Variants in SCN2A observed in about 807,000 individuals in gnomAD.
SCN2A encodes the protein sodium channel protein type 2 subunit alpha.
Under a neutral mutation model 188.7 loss-of-function variants are expected in SCN2A, and 20 were observed. The observed-to-expected ratio is 0.11, with a 90% CI of 0.07 to 0.15. The LOEUF (loss-of-function observed/expected upper bound fraction) is 0.15, where lower values mean the gene tolerates loss of function less well. Ranked by LOEUF, SCN2A falls within the 10% of genes least tolerant of loss-of-function variation. The pLI is 1.00. For synonymous variants in SCN2A, 804 were observed against 833.1 expected (o/e 0.97, Z 0.60); for missense variants, 1,278 against 2,445.0 (o/e 0.52, Z 10.07).
In SCN2A at chr2:165,354,149, C is replaced by A. The variant is rs576865523; in HGVS notation, c.2920-43C>A. 1.9e-6 allele frequency: 3 copies of A among 1,611,508 alleles called. No homozygotes were observed. The African/African-American group carries it at 4.0e-5, about 22-fold the overall frequency. On this transcript the variant is annotated intron_variant, in intron 16 of 26. Coordinates refer to ENST00000375437, the MANE Select transcript of SCN2A (RefSeq NM_001040142.2). ...AACTAATGATGGAAAGCAATTGAAG[C>A]AATAGAATGTTTTGATCACCTGTTT... is the stretch of plus-strand genomic sequence containing the variant.
chr2:165,248,018 C>T (rs1693923408), intron 1 of SCN2A, among the ~76,000 whole-genome samples: 1 of 152,052 alleles, frequency 6.6e-6, no homozygotes, highest in Non-Finnish European at 1.5e-5. Context: ...ACATTCAGTC[C>T]ATGAGAAATT....
chr2:165,244,127 A>G (rs1693741746), intron 1 of SCN2A, among the ~76,000 whole-genome samples: 1 of 152,074 alleles, frequency 6.6e-6, no homozygotes. Flanking sequence ...CTGTAATCCC[A>G]GCTACTCCAG....
chr2:165,379,148 T>A (rs1558878410), intron 23 of SCN2A, among the ~76,000 whole-genome samples: 1 of 151,822 alleles, frequency 6.6e-6, no homozygotes, highest in Non-Finnish European at 1.5e-5. Flanking sequence ...GGATAATCTA[T>A]GTACAAAAAT....
intron 3 of SCN2A, among the ~76,000 whole-genome samples, chr2:165,302,819 G>C (rs927207872): frequency 1.3e-5 from 2 of 152,014 alleles, no homozygotes; most frequent in African/African-American, 4.8e-5. Flanking sequence ...TCCATGTCAA[G>C]GGCTACTTAA....
chr2:165,303,270 G>GATTTTTTTT (rs1464026134), intron 3 of SCN2A, among the ~76,000 whole-genome samples: 1 of 91,330 alleles, frequency 1.1e-5, no homozygotes, highest in Non-Finnish European at 2.1e-5. Flanking sequence ...TGTTATTTGA[G>GATTTTTTTT]TTTTTTTTTT....
At chr2:165,271,520 A>G (rs1211911508) in intron 1 of SCN2A, 1 of 152,144 alleles carries the variant, frequency 6.6e-6, no homozygotes, top group African/African-American at 2.4e-5. Context: ...TAGACTATGG[A>G]AAATAGGAAG....
At chr2:165,362,888 G>T (rs557775671) in intron 17 of SCN2A, among the ~76,000 whole-genome samples, 1 of 152,210 alleles carries the variant, frequency 6.6e-6, no homozygotes, top group East Asian at 1.9e-4. Context: ...GAAATTAGGA[G>T]TCCAGATTTA....
intron 16 of SCN2A, among the ~76,000 whole-genome samples, chr2:165,349,973 G>C (rs567625217): frequency 1.3e-5 from 2 of 152,302 alleles, no homozygotes; most frequent in South Asian, 4.1e-4. Flanking sequence ...CACCCAAATA[G>C]ATGTAGTAGT....
At chr2:165,374,653 T>A in intron 21 of SCN2A, 32 bp from the exon 22 acceptor site, 1 of 1,607,458 alleles carries the variant, frequency 6.2e-7, no homozygotes, top group Non-Finnish European at 8.5e-7. Flanking sequence ...TTGTTGGCTT[T>A]TCACTTATTT....
In SCN2A at chr2:165,308,694, G is replaced by T. The variant is rs1553567296; in HGVS notation, c.505G>T (p.Glu169Ter). ...TACCTTTACAGGAATTTATACTTTT[G>T]AATCACTTATTAAAATACTTGCAAG... ...EYTFTGIYTF[E>*]SLIKILARGF... The change falls in exon 5 of 27, where the codon GAA becomes TAA. Residue 169 changes from glutamate to a stop codon, truncating the protein, a stop_gained. Coordinates refer to ENST00000375437, the MANE Select transcript of SCN2A (RefSeq NM_001040142.2). LOFTEE classifies it high-confidence loss of function. 6.2e-7 allele frequency: 1 copy of T among 1,612,018 alleles called. No homozygotes were observed. The highest frequency in any genetic ancestry group is 8.5e-7 in the Non-Finnish European group (1 of 1,178,522).
At chr2:165,325,020 TGAG>T (rs1489141210) in intron 12 of SCN2A, among the ~76,000 whole-genome samples, 1 of 152,306 alleles carries the variant, frequency 6.6e-6, no homozygotes, top group East Asian at 1.9e-4. Flanking sequence ...ACCAAACCAC[TGAG>T]GAGAACAAGG....
rs117289328 is a variant in SCN2A at position 165,257,083 on chromosome 2, G to T, written c.-52+17443G>T. 5.0e-3 allele frequency among the ~76,000 whole-genome samples: 760 copies of T among 152,244 alleles called. 17 individuals carry two copies. The East Asian group carries it at 0.062, about 12-fold the overall frequency. The stretch of plus-strand genomic sequence containing the variant: ...GTTTGATGGCTAGGACCAACCATGG[G>T]AACTGACGCATCATTTCCTGAATTT... On this transcript the variant is annotated intron_variant, in intron 1 of 26. Coordinates refer to ENST00000375437, the MANE Select transcript of SCN2A (RefSeq NM_001040142.2).
At chr2:165,319,261 T>C (rs1026653587) in intron 11 of SCN2A, among the ~76,000 whole-genome samples, 15 of 152,120 alleles carry the variant, frequency 9.9e-5, no homozygotes, top group Admixed American at 8.5e-4. Context: ...GGTGTGAACC[T>C]GGGAGGTGGA....
intron 1 of SCN2A, among the ~76,000 whole-genome samples, chr2:165,241,946 T>C (rs1397115429): frequency 6.6e-6 from 1 of 151,954 alleles, no homozygotes; most frequent in Non-Finnish European, 1.5e-5. Flanking sequence ...TACAAGAAAA[T>C]GGAGAACTAT....
chr2:165,319,201 G>C (rs904098387), intron 11 of SCN2A, among the ~76,000 whole-genome samples: 6 of 152,108 alleles, frequency 3.9e-5, no homozygotes, highest in Non-Finnish European at 7.4e-5. Flanking sequence ...GCCAGGCGTG[G>C]TGGCAGGTGC....
rs186869009 is a variant in SCN2A at position 165,370,688 on chromosome 2, G to A, written c.3849+389G>A. ...TCATCACTAAAGCCTGTTGAGTTTA[G>A]GTCACACAGATGAATCATTAATTAC... On this transcript the variant is annotated intron_variant, in intron 20 of 26. Transcript: ENST00000375437. The A allele has an allele frequency of 5.6e-5, 11 of 195,298 alleles. No homozygotes were observed. In the East Asian group the frequency reaches 7.4e-4, roughly 13 times the overall value. 12.1% of individuals were successfully genotyped at this position (195,298 alleles called of 1,614,324 possible). A position where few individuals can be genotyped will look rare whatever the true frequency, so the allele number is the denominator to read the frequency against.
At chr2:165,326,719 C>A (rs1296964853) in intron 12 of SCN2A, 133 bp from the exon 13 acceptor site, 90 of 1,065,458 alleles carry the variant, frequency 8.4e-5, no homozygotes, top group Non-Finnish European at 1.2e-4. Flanking sequence ...ATCATTCCAA[C>A]AATATCTTAG....
In SCN2A at chr2:165,380,745, C is replaced by T. The variant is rs1489556159; in HGVS notation, c.4446+16C>T. On this transcript the variant is annotated intron_variant, in intron 24 of 26. Coordinates refer to ENST00000375437, the MANE Select transcript of SCN2A (RefSeq NM_001040142.2). ...GAAAAAGAAGATAAGTATATTAAAACTTCATCCTTGCTCTGAAATATGAAC... is the reference window on the plus strand; with the variant it reads ...GAAAAAGAAGATAAGTATATTAAAATTTCATCCTTGCTCTGAAATATGAAC... 1.3e-6 allele frequency: 2 copies of T among 1,551,922 alleles called. No homozygotes were observed. Among genetic ancestry groups the T allele is most frequent in the Non-Finnish European group, 1.8e-6 (2 of 1,127,686 alleles).
chr2:165,266,446 A>T (rs1329518855), intron 1 of SCN2A: 1 of 152,118 alleles, frequency 6.6e-6, no homozygotes, highest in East Asian at 1.9e-4. Context: ...TTCAAAGAAG[A>T]TGAAGATGAG....
Sources: gnomAD v4.1 joint callset for allele counts (sites outside exome capture counted in the v4.1 genomes callset) on GRCh38, gnomAD v4.1.1 for gene constraint, MANE v1.5 for transcripts, NCBI Gene and HGNC (gene_info 2026-07-23, HGNC 2026-07-21) for gene names.